Variants in CABIN1 observed in about 807,000 individuals in gnomAD.
CABIN1 encodes the protein calcineurin-binding protein cabin-1.
In CABIN1, 133 loss-of-function variants were observed where a neutral mutation model predicts 227.7. That is an observed-to-expected ratio of 0.58 (90% CI 0.51 to 0.67). The LOEUF (loss-of-function observed/expected upper bound fraction) is 0.67. Among genes scored for constraint, CABIN1 ranks in the 30% least tolerant of loss-of-function variants. The probability of loss-of-function intolerance (pLI) is 0.00; values close to 1 mark genes in which losing one functional copy is unlikely to be tolerated. For synonymous variants in CABIN1, 1,086 were observed against 1,155.1 expected, an observed-to-expected ratio of 0.94 and a Z score of 1.21; for missense variants, 2,408 against 2,852.5, an observed-to-expected ratio of 0.84 and a Z score of 3.55.
At chr22:24,025,396 A>C (rs71318941) in intron 1 of CABIN1, among the ~76,000 whole-genome samples, 2,886 of 152,242 alleles carry the variant, frequency 0.019, 36 homozygotes, top group South Asian at 0.036. Context: ...GAAAACATCG[A>C]TAGCCTGAGA....
chr22:24,074,156 T>C (rs896552373), intron 18 of CABIN1, among the ~76,000 whole-genome samples: 3 of 152,182 alleles, frequency 2.0e-5, no homozygotes, highest in African/African-American at 7.2e-5. Context: ...AAGTTTGTTA[T>C]TTTTCTTAGA....
chr22:24,140,771 C>T (rs763243501), intron 29 of CABIN1, among the ~76,000 whole-genome samples: 1 of 152,200 alleles, frequency 6.6e-6, no homozygotes, highest in Admixed American at 6.5e-5. Flanking sequence ...CTTCTGAGGC[C>T]GTGTGGGGCA....
chr22:24,090,993 T>C (rs924099737), intron 23 of CABIN1, among the ~76,000 whole-genome samples: 14 of 152,214 alleles, frequency 9.2e-5, no homozygotes, highest in African/African-American at 3.4e-4. Context: ...CCTTCCTAGC[T>C]AGCTGTTTCC....
At chr22:24,165,139 G>T (rs1414021013) in intron 30 of CABIN1, among the ~76,000 whole-genome samples, 3 of 152,236 alleles carry the variant, frequency 2.0e-5, no homozygotes, top group Non-Finnish European at 4.4e-5. Context: ...CTCCTCCCAT[G>T]CCTGCACTGT....
At chr22:24,161,163 A>G (rs2046130418) in intron 29 of CABIN1, among the ~76,000 whole-genome samples, 1 of 152,240 alleles carries the variant, frequency 6.6e-6, no homozygotes, top group South Asian at 2.1e-4. Flanking sequence ...CTCATCTGCC[A>G]GTGAGGAGCC....
intron 33 of CABIN1, among the ~76,000 whole-genome samples, chr22:24,170,439 G>A (rs2046729345): frequency 6.6e-6 from 1 of 152,194 alleles, no homozygotes; most frequent in Non-Finnish European, 1.5e-5. Context: ...TCCTGAGCGA[G>A]CACAGGGACA....
chr22:24,112,879 C>T (rs557790481), intron 26 of CABIN1, among the ~76,000 whole-genome samples: 1 of 152,300 alleles, frequency 6.6e-6, no homozygotes, highest in Admixed American at 6.5e-5. Context: ...AGGCTTTGTA[C>T]CTTTTCCATA....
intron 29 of CABIN1, among the ~76,000 whole-genome samples, chr22:24,157,764 C>T (rs1333247907): frequency 6.6e-6 from 1 of 152,190 alleles, no homozygotes; most frequent in African/African-American, 2.4e-5. Context: ...CTGCTCCTGA[C>T]CTCAGGGCCA....
At chr22:24,068,499 A>C (rs767734045) in intron 16 of CABIN1, among the ~76,000 whole-genome samples, 8 of 152,158 alleles carry the variant, frequency 5.3e-5, no homozygotes, top group Non-Finnish European at 7.4e-5. Flanking sequence ...TTGATGGGGG[A>C]GGAACTGCTG....
chr22:24,061,458 G>A (rs1213745991), intron 12 of CABIN1, among the ~76,000 whole-genome samples: 1 of 152,228 alleles, frequency 6.6e-6, no homozygotes, highest in Non-Finnish European at 1.5e-5. Flanking sequence ...ACCAGGCCAT[G>A]CTCCCCTGGG....
intron 4 of CABIN1, among the ~76,000 whole-genome samples, chr22:24,040,581 A>G (rs2037288968): frequency 6.6e-6 from 1 of 152,262 alleles, no homozygotes; most frequent in African/African-American, 2.4e-5. Flanking sequence ...ATGGTCTTTC[A>G]GCTCACTTTA....
intron 24 of CABIN1, among the ~76,000 whole-genome samples, chr22:24,095,284 G>A (rs900874941): frequency 6.6e-6 from 1 of 152,254 alleles, no homozygotes; most frequent in African/African-American, 2.4e-5. Flanking sequence ...GGCAGACCTG[G>A]TTTTAACCTG....
chr22:24,170,085 G>T (rs955024957), intron 33 of CABIN1: 27 of 454,924 alleles, frequency 5.9e-5, no homozygotes, highest in African/African-American at 4.8e-4. Flanking sequence ...GAGTGGCAGG[G>T]AGGAGGCCCT....
At chr22:24,125,398 T>G (rs539744615) in intron 28 of CABIN1, among the ~76,000 whole-genome samples, 2 of 152,334 alleles carry the variant, frequency 1.3e-5, no homozygotes, top group East Asian at 3.9e-4. Flanking sequence ...CCCACCTGCC[T>G]GTGCTGCTGG....
chr22:24,167,355 A>G lies in CABIN1; in HGVS notation c.5682+42A>G, dbSNP rs755311240. 2.5e-6 allele frequency: 4 copies of G among 1,579,954 alleles called. No homozygotes were observed. In the South Asian group the frequency reaches 3.4e-5, roughly 13 times the overall value. ...GGCCTGGGGGCACTAGTCTGCTGGC[A>G]GCATCCCCACTCTTGCCTTTCTATC... On this transcript the variant is annotated intron_variant, in intron 32 of 36. Coordinates refer to ENST00000263119, the MANE Select transcript of CABIN1 (RefSeq NM_012295.4).
At chr22:24,098,246 G>A (rs904267207) in intron 26 of CABIN1, 54 bp downstream of exon 26, 2 of 1,612,504 alleles carry the variant, frequency 1.2e-6, no homozygotes, top group African/African-American at 2.7e-5. Context: ...CAATCACGGG[G>A]GGGTGCTCGG....
chr22:24,049,047 T>G (rs2038116396), intron 6 of CABIN1, 44 bp from the exon 7 acceptor site: 1 of 1,611,186 alleles, frequency 6.2e-7, no homozygotes, highest in Admixed American at 1.7e-5. Flanking sequence ...CCAGAGCTTC[T>G]GAGTGCGGTC....
rs937394675 is a variant in CABIN1, at chr22:24,118,272, C to G, written c.4301-1095C>G. 6.6e-5 allele frequency among the ~76,000 whole-genome samples: 10 copies of G among 152,044 alleles called. 1 individual carries two copies. The highest frequency in any genetic ancestry group is 2.4e-4 in the African/African-American group (10 of 41,376). On this transcript the variant is annotated intron_variant, in intron 27 of 36. Coordinates refer to ENST00000263119, the MANE Select transcript of CABIN1 (RefSeq NM_012295.4). ...AGGGGAGCAGGGAGGGAAGGTCAGA[C>G]TAATAGCAGGTGGCTGAGGGGAACA...
In CABIN1 at chr22:24,076,211, T is replaced by C. The variant is rs2040430465; in HGVS notation, c.2675T>C (p.Leu892Pro). Residue 892 changes from leucine (L) to proline (P), a missense_variant, in exon 19 of 37, where the codon CTG becomes CCG. Leu to Pro is a moderately conservative substitution (Grantham distance 98). Coordinates refer to ENST00000263119, the MANE Select transcript of CABIN1 (RefSeq NM_012295.4). The part of the protein sequence containing the change: ...TPMLPSSLML[L>P]NTAHEYLGRR... ...ATGCTCCCATCCTCCCTCATGCTGC[T>C]GAACACAGCCCACGAGTATTTGGGC... 2.5e-6 allele frequency: 4 copies of C among 1,614,082 alleles called. No homozygotes were observed. The Admixed American group carries it at 5.0e-5, about 20-fold the overall frequency.
Sources: allele counts gnomAD v4.1 joint callset (sites outside exome capture counted in the v4.1 genomes callset), GRCh38; gene constraint gnomAD v4.1.1; transcripts MANE v1.5; gene names NCBI Gene and HGNC (gene_info 2026-07-23, HGNC 2026-07-21).